ATP2B2: variants seen among roughly 807,000 people sequenced by gnomAD.
ATP2B2 encodes plasma membrane calcium-transporting ATPase 2.
Under a neutral mutation model 120.0 loss-of-function variants are expected in ATP2B2, and 15 were observed. The observed-to-expected ratio is 0.12, with a 90% CI of 0.08 to 0.19. The LOEUF is 0.19. ATP2B2 is among the 10% of genes least tolerant of loss of function. The probability of loss-of-function intolerance (pLI) is 1.00; values close to 1 mark genes in which losing one functional copy is unlikely to be tolerated. For missense variants in ATP2B2, 1,045 were observed against 1,719.8 expected (o/e 0.61, Z 6.94); for synonymous variants, 694 against 700.3 (o/e 0.99, Z 0.14).
chr3:10,703,210 T>C (rs1487484796), intron 1 of ATP2B2, among the ~76,000 whole-genome samples: 1 of 152,180 alleles, frequency 6.6e-6, no homozygotes, highest in Non-Finnish European at 1.5e-5. Flanking sequence ...TCTTCTCTTA[T>C]TGGTCAACAT....
At chr3:10,574,188 G>A (rs1263767038) in intron 2 of ATP2B2, among the ~76,000 whole-genome samples, 1 of 152,082 alleles carries the variant, frequency 6.6e-6, no homozygotes, top group East Asian at 1.9e-4. Flanking sequence ...CTTTCTTCTG[G>A]GTTTTGGTTC....
chr3:10,507,420 C>T (rs576151888), upstream of ATP2B2, among the ~76,000 whole-genome samples: 16 of 152,262 alleles, frequency 1.1e-4, no homozygotes, highest in East Asian at 2.9e-3. Flanking sequence ...ACCCCAGGGA[C>T]CAGGGCCAAG....
chr3:10,400,366 G>A (rs1440728053), intron 5 of ATP2B2, among the ~76,000 whole-genome samples: 1 of 152,192 alleles, frequency 6.6e-6, no homozygotes, highest in Non-Finnish European at 1.5e-5. Flanking sequence ...TGCCCCTGCT[G>A]TTTCCTCTGC....
chr3:10,683,760 GTATATATATATATATA>G (rs71055831), intron 1 of ATP2B2, among the ~76,000 whole-genome samples: 630 of 53,914 alleles, frequency 0.012, 43 homozygotes, highest in South Asian at 0.048. Flanking sequence ...GTGTGTGTGT[GTATATATATATATATA>G]TATATATATA....
chr3:10,666,641 T>C (rs1364078315), intron 1 of ATP2B2, among the ~76,000 whole-genome samples: 2 of 152,224 alleles, frequency 1.3e-5, no homozygotes, highest in Non-Finnish European at 2.9e-5. Flanking sequence ...CCATCTTCTC[T>C]GTCAGCTGAG....
intron 2 of ATP2B2, among the ~76,000 whole-genome samples, chr3:10,612,562 C>CT (rs542529016): frequency 5.3e-5 from 8 of 152,168 alleles, no homozygotes; most frequent in African/African-American, 1.7e-4. Context: ...GCTGTGAGCT[C>CT]TTTTTTTTCT....
intron 1 of ATP2B2, among the ~76,000 whole-genome samples, chr3:10,650,534 C>T (rs2070429232): frequency 6.6e-6 from 1 of 152,192 alleles, no homozygotes. Flanking sequence ...AGGAGAAATT[C>T]AAGCCAGCGG....
intron 3 of ATP2B2, among the ~76,000 whole-genome samples, chr3:10,512,464 G>GCGCGCGCACACACACACACA (rs749056818): frequency 1.8e-4 from 24 of 136,922 alleles, no homozygotes; most frequent in East Asian, 6.7e-4. Context: ...AAGTGTGTGC[G>GCGCGCGCACACACACACACA]CACACACACA....
intron 2 of ATP2B2, among the ~76,000 whole-genome samples, chr3:10,544,897 T>C (rs1254446395): frequency 6.6e-6 from 1 of 152,274 alleles, no homozygotes; most frequent in African/African-American, 2.4e-5. Context: ...TTTCCTCCTG[T>C]GTTCCTTTAC....
intron 22 of ATP2B2, among the ~76,000 whole-genome samples, chr3:10,334,556 G>T (rs1453422691): frequency 2.0e-5 from 3 of 152,126 alleles, no homozygotes; most frequent in African/African-American, 4.8e-5. Flanking sequence ...CCTAGTGACG[G>T]TATCTCATGG....
intron 2 of ATP2B2, among the ~76,000 whole-genome samples, chr3:10,540,748 T>A (rs576996087): frequency 1.4e-5 from 2 of 145,884 alleles, no homozygotes; most frequent in African/African-American, 5.0e-5. Flanking sequence ...AGGGATAGCA[T>A]TGGGAGAAAT....
Position 10,328,730 on chromosome 3 carries a change from T to A in ATP2B2, c.*84A>T. On this transcript the variant is annotated 3_prime_UTR_variant, in exon 23 of 23. Coordinates refer to ENST00000360273, the MANE Select transcript of ATP2B2 (RefSeq NM_001001331.4). ...TGTTGCTCGTTGCTGCTTGGGTGAG[T>A]TGGGTGCCTGGATGGATGGGTGCCC... 1 of 1,399,298 alleles carries A rather than the reference T, an allele frequency of 7.1e-7. No homozygotes were observed. Among genetic ancestry groups the A allele is most frequent in the Admixed American group, 2.2e-5 (1 of 44,926 alleles). 86.7% of individuals were successfully genotyped at this position (1,399,298 alleles called of 1,614,324 possible).
intron 1 of ATP2B2, among the ~76,000 whole-genome samples, chr3:10,454,153 C>T (rs369272396): frequency 1.5e-4 from 23 of 152,296 alleles, no homozygotes; most frequent in South Asian, 1.2e-3. Flanking sequence ...CTGCCCTCTA[C>T]GAGCCCACAG....
At chr3:10,692,312 C>T (rs990449223) in intron 1 of ATP2B2, among the ~76,000 whole-genome samples, 1 of 152,222 alleles carries the variant, frequency 6.6e-6, no homozygotes, top group Admixed American at 6.5e-5. Flanking sequence ...TTCCCTGCCT[C>T]TCCCCCCAAC....
intron 2 of ATP2B2, among the ~76,000 whole-genome samples, chr3:10,560,867 T>C (rs1192008635): frequency 6.6e-6 from 1 of 152,090 alleles, no homozygotes; most frequent in Non-Finnish European, 1.5e-5. Flanking sequence ...CATCTCTTGT[T>C]CTCTAGGCTC....
At chr3:10,392,407 G>C (rs996638153) in intron 5 of ATP2B2, among the ~76,000 whole-genome samples, 2 of 152,192 alleles carry the variant, frequency 1.3e-5, no homozygotes, top group African/African-American at 2.4e-5. Flanking sequence ...GACTCCAAAG[G>C]ACTGGGGCAT....
At chr3:10,659,086 T>G (rs1311680567) in intron 1 of ATP2B2, among the ~76,000 whole-genome samples, 3 of 152,092 alleles carry the variant, frequency 2.0e-5, no homozygotes, top group African/African-American at 7.2e-5. Context: ...AAAGAGCTCC[T>G]GAAGGAAGGA....
At chr3:10,352,836 T>C (rs557602052) in intron 14 of ATP2B2, among the ~76,000 whole-genome samples, 1 of 152,336 alleles carries the variant, frequency 6.6e-6, no homozygotes, top group Non-Finnish European at 1.5e-5. Flanking sequence ...AGCTGCTGTT[T>C]CCTGGGAACG....
upstream of ATP2B2, among the ~76,000 whole-genome samples, chr3:10,506,235 G>A (rs1029166076): frequency 6.6e-6 from 1 of 152,038 alleles, no homozygotes; most frequent in Non-Finnish European, 1.5e-5. Context: ...GCCCTGAAGC[G>A]CTACCCCTGC....
Sources: gnomAD v4.1 joint callset for allele counts (sites outside exome capture counted in the v4.1 genomes callset) on GRCh38, gnomAD v4.1.1 for gene constraint, MANE v1.5 for transcripts, NCBI Gene and HGNC (gene_info 2026-07-23, HGNC 2026-07-21) for gene names.